The following RGS20 variants were observed in gnomAD, a reference collection of about 807,000 sequenced individuals.
RGS20 encodes the protein gz-selective GTPase-activating protein.
Under a neutral mutation model 33.6 loss-of-function variants are expected in RGS20, and 30 were observed. The ratio of observed to expected loss-of-function variants is 0.89; its 90% CI spans 0.67 to 1.21. The LOEUF (loss-of-function observed/expected upper bound fraction) is 1.21. Among genes scored for constraint, RGS20 ranks in the 50% most tolerant of loss-of-function variants. RGS20 has a pLI of 0.00. For synonymous variants in RGS20, 208 were observed against 197.9 expected (o/e 1.05, Z -0.43); for missense variants, 472 against 502.4 (o/e 0.94, Z 0.58).
chr8:53,909,207 G>GTA (rs1198520966), intron 2 of RGS20, among the ~76,000 whole-genome samples: 44 of 83,112 alleles, frequency 5.3e-4, no homozygotes, highest in African/African-American at 8.5e-4. Context: ...TATGGTATGT[G>GTA]TGTATATATA....
intron 2 of RGS20, among the ~76,000 whole-genome samples, chr8:53,923,476 T>A (rs1406294446): frequency 1.3e-5 from 2 of 151,948 alleles, no homozygotes; most frequent in African/African-American, 4.8e-5. Context: ...GTGCCAGTAG[T>A]CCCAGCTACT....
intron 2 of RGS20, among the ~76,000 whole-genome samples, chr8:53,892,356 T>C (rs1361445665): frequency 6.6e-6 from 1 of 152,244 alleles, no homozygotes; most frequent in Non-Finnish European, 1.5e-5. Flanking sequence ...AACATACATG[T>C]GCATGTGTCT....
intron 1 of RGS20, among the ~76,000 whole-genome samples, chr8:53,868,784 C>T (rs931148575): frequency 8.6e-5 from 13 of 151,630 alleles, no homozygotes; most frequent in Admixed American, 6.6e-4. Flanking sequence ...ACAGAGTCTC[C>T]CTCTGTTACC....
At chr8:53,867,690 C>CCTTCCTT (rs1247784192) in intron 1 of RGS20, among the ~76,000 whole-genome samples, 19 of 150,864 alleles carry the variant, frequency 1.3e-4, no homozygotes, top group Admixed American at 9.3e-4. Flanking sequence ...TTCCTTCCTT[C>CCTTCCTT]CTTCCTTCCT....
At chr8:53,910,966 CA>C (rs1660004461) in intron 2 of RGS20, among the ~76,000 whole-genome samples, 1 of 152,208 alleles carries the variant, frequency 6.6e-6, no homozygotes, top group Non-Finnish European at 1.5e-5. Flanking sequence ...TGTAAAGAAA[CA>C]TACAAACTAG....
At chr8:53,912,352 A>ATTT (rs58889086) in intron 2 of RGS20, among the ~76,000 whole-genome samples, 4 of 137,200 alleles carry the variant, frequency 2.9e-5, no homozygotes, top group African/African-American at 8.1e-5. Context: ...GTTAATCTTG[A>ATTT]TTTTTTTTTT....
Position 53,884,191 on chromosome 8 carries a change from C to CTTTTTT in RGS20, c.510+4606_510+4611dup, listed in dbSNP as rs4014055. Among the ~76,000 whole-genome samples, 426 of 103,418 alleles carry CTTTTTT rather than the reference C, an allele frequency of 4.1e-3. 31 individuals are homozygous for CTTTTTT. Among genetic ancestry groups the CTTTTTT allele is most frequent in the African/African-American group, 0.017 (370 of 22,084 alleles). The allele number at this position is 103,418 out of a possible 152,430, so 67.8% of individuals were successfully genotyped here. A position where few individuals can be genotyped will look rare whatever the true frequency, so the allele number is the denominator to read the frequency against. On this transcript the variant is annotated intron_variant, in intron 2 of 5. Coordinates refer to ENST00000297313, the MANE Select transcript of RGS20 (RefSeq NM_170587.4). ...CCATCATCCAAATTAGAAAAACAGT[C>CTTTTTT]TTTTTTTTTTTTTTTTTTTTTTGAT...
intron 2 of RGS20, among the ~76,000 whole-genome samples, chr8:53,927,465 A>G (rs1368753190): frequency 6.6e-6 from 1 of 152,124 alleles, no homozygotes; most frequent in Admixed American, 6.6e-5. Context: ...TCATCCTCCT[A>G]AAGTGCTGGG....
At chr8:53,854,173 G>A (rs1811624448) in intron 1 of RGS20, among the ~76,000 whole-genome samples, 1 of 151,866 alleles carries the variant, frequency 6.6e-6, no homozygotes, top group Non-Finnish European at 1.5e-5. Context: ...GTAGGGCTAG[G>A]TGAAGAATAC....
At position 53,946,758 on chromosome 8, in the gene RGS20, C is replaced by T. The variant is rs1814493406; in HGVS notation, c.743+10C>T. 6.2e-7 allele frequency: 1 copy of T among 1,610,516 alleles called. No individual in the cohort carries two copies. The highest frequency in any genetic ancestry group is 8.5e-7 in the Non-Finnish European group (1 of 1,177,800). On this transcript the variant is annotated intron_variant, in intron 4 of 5. Coordinates refer to ENST00000297313, the MANE Select transcript of RGS20 (RefSeq NM_170587.4). ...CAACCTGGGAAGAAAGGTGAAATCACACGTTTTTTTTACCTCACTAAACTA... is the reference window on the plus strand; with the variant it reads ...CAACCTGGGAAGAAAGGTGAAATCATACGTTTTTTTTACCTCACTAAACTA...
chr8:53,877,648 G>A lies in RGS20; in HGVS notation c.166-1610G>A, dbSNP rs1812239140. Among the ~76,000 whole-genome samples, 2 of 152,208 alleles carry A rather than the reference G, an allele frequency of 1.3e-5. No individual in the cohort carries two copies. The highest frequency in any genetic ancestry group is 2.9e-5 in the Non-Finnish European group (2 of 68,034). On this transcript the variant is annotated intron_variant, in intron 1 of 5. Transcript: ENST00000297313. The surrounding 1 kb of genome is among the most constrained non-coding windows in gnomAD (Gnocchi z 5.7). ...TAAAAGCACCTTGCCAGAGAGCGGG[G>A]GAGGGGAGCAGCTGAACGAGGAGAA...
chr8:53,860,379 T>C (rs1413365924), intron 1 of RGS20, among the ~76,000 whole-genome samples: 1 of 152,240 alleles, frequency 6.6e-6, no homozygotes, highest in Admixed American at 6.5e-5. Context: ...TATATTCAAG[T>C]GATAGATCAT....
chr8:53,911,720 G>A (rs769585419), intron 2 of RGS20, among the ~76,000 whole-genome samples: 3 of 152,126 alleles, frequency 2.0e-5, no homozygotes, highest in Non-Finnish European at 4.4e-5. Context: ...GATCACTTGA[G>A]GTCAGGGGTT....
intron 1 of RGS20, among the ~76,000 whole-genome samples, chr8:53,874,473 A>G (rs1317529919): frequency 6.6e-6 from 1 of 151,710 alleles, no homozygotes; most frequent in African/African-American, 2.4e-5. Flanking sequence ...TGGCTCATGT[A>G]ATTGTGGAGG....
intron 1 of RGS20, chr8:53,879,159 CA>C: frequency 1.0e-6 from 1 of 974,316 alleles, no homozygotes; most frequent in Admixed American, 2.0e-5. Flanking sequence ...CTTGCACCCC[CA>C]AAGTAACGCT....
intron 2 of RGS20, among the ~76,000 whole-genome samples, chr8:53,883,120 C>G (rs1028260735): frequency 6.6e-6 from 1 of 151,524 alleles, no homozygotes; most frequent in Admixed American, 6.6e-5. Flanking sequence ...GGGTCTCATC[C>G]TGTTTATCTT....
rs201895209 is a variant in RGS20, at chr8:53,864,274, CA to C, written c.165+12220del. 5.9e-3 allele frequency among the ~76,000 whole-genome samples: 869 copies of C among 146,854 alleles called. 6 individuals are homozygous for C. Among genetic ancestry groups the C allele is most frequent in the Non-Finnish European group, 8.6e-3 (573 of 66,288 alleles). ...GTGAAACCCCGTCTCTACAAAAATA[CA>C]AAAAAAAAATCAGCTGGGCATGATG... is the stretch of plus-strand genomic sequence containing the variant. On this transcript the variant is annotated intron_variant, in intron 1 of 5. Transcript: ENST00000297313.
At chr8:53,896,560 G>T (rs139955694) in intron 2 of RGS20, among the ~76,000 whole-genome samples, 1 of 152,274 alleles carries the variant, frequency 6.6e-6, no homozygotes, top group African/African-American at 2.4e-5. Context: ...GAAACAATCT[G>T]TATGAAAGTA....
At chr8:53,855,071 T>TC (rs1158625299) in intron 1 of RGS20, among the ~76,000 whole-genome samples, 9 of 152,062 alleles carry the variant, frequency 5.9e-5, no homozygotes, top group Non-Finnish European at 1.3e-4. Flanking sequence ...AAGCCACTCT[T>TC]TTTTTTTCTT....
Sources: allele counts gnomAD v4.1 joint callset (sites outside exome capture counted in the v4.1 genomes callset), GRCh38; gene constraint gnomAD v4.1.1; non-coding constraint Gnocchi (gnomAD v3.1); transcripts MANE v1.5; gene names NCBI Gene and HGNC (gene_info 2026-07-23, HGNC 2026-07-21).